Variants in WDR5B observed in about 807,000 individuals in gnomAD.
WDR5B encodes the protein WD repeat domain 5B, also known as WD repeat-containing protein 5B.
WDR5B carries 17 observed loss-of-function variants against 24.0 expected under a neutral mutation model. That is an observed-to-expected ratio of 0.71 (90% confidence interval 0.49 to 1.06). WDR5B has a LOEUF of 1.06. Ranked by LOEUF, WDR5B falls within the 50% of genes least tolerant of loss-of-function variation. WDR5B has a pLI of 0.00. For missense variants in WDR5B, 368 were observed against 384.1 expected (o/e 0.96, Z 0.35); for synonymous variants, 150 against 146.4 (o/e 1.02, Z -0.18).
chr3:122,415,764 G>C lies in WDR5B; in HGVS notation c.-236C>G, dbSNP rs2075732152. ...AGTACTTGAGAAATACTGTTAGAAGGATCCTGTGCGCTGTCAGCAAGTAGG... is the reference window on the plus strand; with the variant it reads ...AGTACTTGAGAAATACTGTTAGAAGCATCCTGTGCGCTGTCAGCAAGTAGG... On this transcript the variant is annotated 5_prime_UTR_variant, in exon 1 of 1. It adds an upstream start codon to the 5' untranslated region. Transcript: ENST00000330689. 3 of 476,240 alleles carry C rather than the reference G, an allele frequency of 6.3e-6. No homozygotes were observed. The highest frequency in any genetic ancestry group is 1.1e-5 in the Non-Finnish European group (3 of 265,622). 29.5% of individuals were successfully genotyped at this position (476,240 alleles called of 1,614,324 possible).
At position 122,415,857 on chromosome 3, in the gene WDR5B, C is replaced by G. The variant is rs2075732685; in HGVS notation, c.-329G>C. 1 of 245,754 alleles carries G rather than the reference C, an allele frequency of 4.1e-6. No individual in the cohort carries two copies. The highest frequency in any genetic ancestry group is 2.3e-5 in the African/African-American group (1 of 44,056). The allele number at this position is 245,754 out of a possible 1,614,324, so 15.2% of individuals were successfully genotyped here. A position where few individuals can be genotyped will look rare whatever the true frequency, so the allele number is the denominator to read the frequency against. Reference sequence around the variant, plus strand: ...GCAGGGGCGACGCGAGGGGCACTCTCTACAGAAAGTATTCTTTCACCGCCG... The same window carrying G: ...GCAGGGGCGACGCGAGGGGCACTCTGTACAGAAAGTATTCTTTCACCGCCG... On this transcript the variant is annotated 5_prime_UTR_variant, in exon 1 of 1. Transcript: ENST00000330689.
chr3:122,414,026 AT>A lies in WDR5B; in HGVS notation c.*509del, dbSNP rs774746067. 1.2e-5 allele frequency: 2 copies of A among 161,972 alleles called. No homozygotes were observed. Among genetic ancestry groups the A allele is most frequent in the South Asian group, 1.7e-4 (1 of 5,980 alleles). 10.0% of individuals were successfully genotyped at this position (161,972 alleles called of 1,614,324 possible). ...CAGAATACTACTCAGCCAAAAAAAA[AT>A]AATGAAATCTTATCTTTTGCAACAA... On this transcript the variant is annotated 3_prime_UTR_variant, in exon 1 of 1. Coordinates refer to ENST00000330689, the MANE Select transcript of WDR5B (RefSeq NM_019069.4).
chr3:122,415,507 C>T lies in WDR5B; in HGVS notation c.22G>A (p.Asp8Asn). The T allele has an allele frequency of 1.9e-6, 3 of 1,612,176 alleles. No individual in the cohort carries two copies. Among genetic ancestry groups the T allele is most frequent in the Non-Finnish European group, 2.5e-6 (3 of 1,178,840 alleles). Residue 8 changes from aspartate (D) to asparagine (N), a missense_variant, in exon 1 of 1, where the codon GAC becomes AAC. Asp to Asn is a conservative substitution (Grantham distance 23). Transcript: ENST00000330689. ...GAGAGGGCCAACTGTGCTTTGGCGT[C>T]TCTTGACTCCTTGGTTGCCATGGCT... MATKESR[D>N]AKAQLALSSS...
rs964862638 is a variant in WDR5B at position 122,413,990 on chromosome 3, CAT to C, written c.*544_*545del. The stretch of plus-strand genomic sequence containing the variant: ...ACACATATATGCATACACACACACA[CAT>C]ACACACCACAGAATACTACTCAGCC... On this transcript the variant is annotated 3_prime_UTR_variant, in exon 1 of 1. Transcript: ENST00000330689. 6.3e-6 allele frequency: 1 copy of C among 158,576 alleles called. No homozygotes were observed. The highest frequency in any genetic ancestry group is 2.4e-5 in the African/African-American group (1 of 41,358). 9.8% of individuals were successfully genotyped at this position (158,576 alleles called of 1,614,324 possible). A position where few individuals can be genotyped will look rare whatever the true frequency, so the allele number is the denominator to read the frequency against.
At position 122,415,466 on chromosome 3, in the gene WDR5B, CTGAT is replaced by C. The variant is rs747103936; in HGVS notation, c.59_62del (p.Asn20ArgfsTer36). On this transcript the variant is annotated frameshift_variant, in exon 1 of 1. Transcript: ENST00000330689. LOFTEE classifies it high-confidence loss of function. ...TTGGGTTTTCAGGCACTTCCTTGCT[CTGAT>C]TGGCCGATGAGGAGAGGGCCAACTG... The C allele has an allele frequency of 2.6e-5, 42 of 1,614,086 alleles. No individual in the cohort carries two copies. The highest frequency in any genetic ancestry group is 1.3e-4 in the East Asian group (6 of 44,900).
In WDR5B at chr3:122,414,741, G is replaced by A; in HGVS notation, c.788C>T (p.Ser263Leu). The stretch of plus-strand genomic sequence containing the variant: ...CACAATCCACTTTCCACCAGTAACT[G>A]AAAAATTGGCAAATATGCAATATTT... ...NEKYCIFANF[S>L]VTGGKWIVSG... Residue 263 changes from serine (S) to leucine (L), a missense_variant, in exon 1 of 1, where the codon TCA becomes TTA. By Grantham distance (145) the Ser-to-Leu change is moderately radical. Transcript: ENST00000330689. The A allele has an allele frequency of 1.2e-6, 2 of 1,614,132 alleles. No homozygotes were observed. Among genetic ancestry groups the A allele is most frequent in the Non-Finnish European group, 1.7e-6 (2 of 1,180,034 alleles).
Position 122,414,606 on chromosome 3 carries a change from G to A in WDR5B, c.923C>T (p.Thr308Ile), listed in dbSNP as rs2075722344. Residue 308 changes from threonine (T) to isoleucine (I), a missense_variant, in exon 1 of 1, where the codon ACA (threonine) becomes ATA (isoleucine). Physicochemically the swap from Thr to Ile is moderately conservative, Grantham distance 89 (BLOSUM62 -1). Coordinates refer to ENST00000330689, the MANE Select transcript of WDR5B (RefSeq NM_019069.4). ...DVVISAACHP[T>I]ENLIASAALE... ...TGCTGCTGATGCGATGAGGTTTTCT[G>A]TAGGATGACAAGCTGCTGAGATCAC... The A allele has an allele frequency of 5.0e-6, 8 of 1,614,176 alleles. No individual in the cohort carries two copies. The highest frequency in any genetic ancestry group is 6.8e-6 in the Non-Finnish European group (8 of 1,180,032).
chr3:122,415,342 T>C lies in WDR5B; in HGVS notation c.187A>G (p.Arg63Gly). The C allele has an allele frequency of 1.9e-6, 3 of 1,614,274 alleles. No homozygotes were observed. Among genetic ancestry groups the C allele is most frequent in the Non-Finnish European group, 2.5e-6 (3 of 1,180,046 alleles). Residue 63 changes from arginine (R) to glycine (G), a missense_variant, in exon 1 of 1, where the codon AGG (arginine) becomes GGG (glycine). By Grantham distance (125) the Arg-to-Gly change is moderately radical. Transcript: ENST00000330689. ...GEWLASSSAD[R>G]LIIIWGAYDG... is the part of the protein sequence containing the mutation. ...TATGCTCCCCAAATTATGATTAGCC[T>C]ATCAGCAGAAGAACTTGCTAGCCAT...
chr3:122,412,443 G>C lies in WDR5B; in HGVS notation c.*2093C>G, dbSNP rs2075710174. The C allele has an allele frequency of 6.6e-6, 1 of 152,160 alleles. No homozygotes were observed. The highest frequency in any genetic ancestry group is 6.5e-5 in the Admixed American group (1 of 15,282). 9.4% of individuals were successfully genotyped at this position (152,160 alleles called of 1,614,324 possible). ...TATCCTTCACTGTCAAACATTACTT[G>C]AGTCCCTTTACTACACAAAAAAGCC... On this transcript the variant is annotated 3_prime_UTR_variant, in exon 1 of 1. Transcript: ENST00000330689.
Position 122,413,957 on chromosome 3 carries a change from A to C in WDR5B, c.*579T>G, listed in dbSNP as rs1375741469. The C allele has an allele frequency of 6.5e-6, 1 of 153,860 alleles. No individual in the cohort carries two copies. The highest frequency in any genetic ancestry group is 6.5e-5 in the Admixed American group (1 of 15,492). The allele number at this position is 153,860 out of a possible 1,614,324, so 9.5% of individuals were successfully genotyped here. A position where few individuals can be genotyped will look rare whatever the true frequency, so the allele number is the denominator to read the frequency against. ...TAATGTGGTGTATATACTTATATAC[A>C]TACACATACACATATATGCATACAC... On this transcript the variant is annotated 3_prime_UTR_variant, in exon 1 of 1. Coordinates refer to ENST00000330689, the MANE Select transcript of WDR5B (RefSeq NM_019069.4).
In WDR5B at chr3:122,414,600, T is replaced by C; in HGVS notation, c.929A>G (p.Asn310Ser). The C allele has an allele frequency of 6.2e-7, 1 of 1,614,140 alleles. No homozygotes were observed. Among genetic ancestry groups the C allele is most frequent in the Non-Finnish European group, 8.5e-7 (1 of 1,180,030 alleles). The change falls in exon 1 of 1, where the codon AAC becomes AGC. Residue 310 changes from asparagine to serine, a missense_variant. Transcript: ENST00000330689. The stretch of plus-strand genomic sequence containing the variant: ...TTCTAATGCTGCTGATGCGATGAGG[T>C]TTTCTGTAGGATGACAAGCTGCTGA... ...VISAACHPTE[N>S]LIASAALEND...
rs2107703884 is a variant in WDR5B at position 122,413,797 on chromosome 3, T to C, written c.*739A>G. Reference sequence around the variant, plus strand: ...TCACCTGCACTGTTTATCGCAGCACTATTCATAATAGTGCTGTTTATCGCA... The same window carrying C: ...TCACCTGCACTGTTTATCGCAGCACCATTCATAATAGTGCTGTTTATCGCA... On this transcript the variant is annotated 3_prime_UTR_variant, in exon 1 of 1. Transcript: ENST00000330689. The C allele has an allele frequency of 6.6e-6, 1 of 152,290 alleles. No individual in the cohort carries two copies. Among genetic ancestry groups the C allele is most frequent in the South Asian group, 2.1e-4 (1 of 4,826 alleles). The allele number at this position is 152,290 out of a possible 1,614,324, so 9.4% of individuals were successfully genotyped here. A position where few individuals can be genotyped will look rare whatever the true frequency, so the allele number is the denominator to read the frequency against.
At position 122,414,729 on chromosome 3, in the gene WDR5B, C is replaced by A. The variant is rs2075723521; in HGVS notation, c.800G>T (p.Gly267Val). ...CIFANFSVTG[G>V]KWIVSGSEDN... ...CTCGGAACCAGACACAATCCACTTT[C>A]CACCAGTAACTGAAAAATTGGCAAA... The change falls in exon 1 of 1, where the codon GGA (glycine) becomes GTA (valine). Residue 267 changes from glycine to valine, a missense_variant. Coordinates refer to ENST00000330689, the MANE Select transcript of WDR5B (RefSeq NM_019069.4). 1.2e-6 allele frequency: 2 copies of A among 1,614,056 alleles called. No homozygotes were observed. Among genetic ancestry groups the A allele is most frequent in the Non-Finnish European group, 1.7e-6 (2 of 1,180,052 alleles).
In WDR5B at chr3:122,414,819, C is replaced by T; in HGVS notation, c.710G>A (p.Trp237Ter). Residue 237 changes from tryptophan (W) to a stop codon, truncating the protein, a stop_gained, in exon 1 of 1, where the codon TGG (tryptophan) becomes TAG (stop). Transcript: ENST00000330689. LOFTEE classifies it high-confidence loss of function. ...TATLDNTLKL[W>*]DYSRGRCLKT... The stretch of plus-strand genomic sequence containing the variant: ...CAGGCACCTGCCTCTGCTATAATCC[C>T]ATAGTTTAAGAGTGTTGTCCAAAGT... 6.2e-7 allele frequency: 1 copy of T among 1,614,128 alleles called. No homozygotes were observed. Among genetic ancestry groups the T allele is most frequent in the South Asian group, 1.1e-5 (1 of 91,084 alleles).
At position 122,415,684 on chromosome 3, in the gene WDR5B, CTG is replaced by C. The variant is rs1350853319; in HGVS notation, c.-158_-157del. 1 of 920,744 alleles carries C rather than the reference CTG, an allele frequency of 1.1e-6. No individual in the cohort carries two copies. The highest frequency in any genetic ancestry group is 2.0e-5 in the South Asian group (1 of 49,220). The allele number at this position is 920,744 out of a possible 1,614,324, so 57.0% of individuals were successfully genotyped here. A position where few individuals can be genotyped will look rare whatever the true frequency, so the allele number is the denominator to read the frequency against. On this transcript the variant is annotated 5_prime_UTR_variant, in exon 1 of 1. Transcript: ENST00000330689. Reference sequence around the variant, plus strand: ...TTAAAGTTTCTGGACAGTCTTTAAACTGTGAGACGGAATCAGCAGCACGGCTT... The same window carrying C: ...TTAAAGTTTCTGGACAGTCTTTAAACTGAGACGGAATCAGCAGCACGGCTT...
In WDR5B at chr3:122,414,405, A is replaced by T; in HGVS notation, c.*131T>A. On this transcript the variant is annotated 3_prime_UTR_variant, in exon 1 of 1. Transcript: ENST00000330689. ...TTCAACTATCTCATTTTGTAAATGT[A>T]GTGTATGAATCTCAAAATTTAACAA... 9.4e-7 allele frequency: 1 copy of T among 1,066,940 alleles called. No individual in the cohort carries two copies. Among genetic ancestry groups the T allele is most frequent in the Non-Finnish European group, 1.3e-6 (1 of 762,848 alleles). 66.1% of individuals were successfully genotyped at this position (1,066,940 alleles called of 1,614,324 possible).
rs1191883047 is a variant in WDR5B at position 122,411,945 on chromosome 3, T to C, written c.*2591A>G. On this transcript the variant is annotated 3_prime_UTR_variant, in exon 1 of 1. Transcript: ENST00000330689. ...AACAGTCATTTCTCATTTGTGTTAT[T>C]CTCCTATTTGATAACATATAGTGAC... 1 of 152,200 alleles carries C rather than the reference T, an allele frequency of 6.6e-6. No individual in the cohort carries two copies. Among genetic ancestry groups the C allele is most frequent in the Non-Finnish European group, 1.5e-5 (1 of 68,044 alleles). The allele number at this position is 152,200 out of a possible 1,614,324, so 9.4% of individuals were successfully genotyped here. A position where few individuals can be genotyped will look rare whatever the true frequency, so the allele number is the denominator to read the frequency against.
rs770897230 is a variant in WDR5B at position 122,414,851 on chromosome 3, G to A, written c.678C>T (p.Leu226=). Residue 226 remains leucine, a synonymous_variant, in exon 1 of 1, where the codon CTC becomes CTT. Coordinates refer to ENST00000330689, the MANE Select transcript of WDR5B (RefSeq NM_019069.4). ...VKFSPNGKYI[L]TATLDNTLKL... ...TAAGAGTGTTGTCCAAAGTTGCAGT[G>A]AGAATGTATTTACCATTTGGAGAAA... 1 of 1,614,132 alleles carries A rather than the reference G, an allele frequency of 6.2e-7. No homozygotes were observed. Among genetic ancestry groups the A allele is most frequent in the Admixed American group, 1.7e-5 (1 of 60,018 alleles).
Position 122,415,810 on chromosome 3 carries a change from G to A in WDR5B, c.-282C>T. On this transcript the variant is annotated 5_prime_UTR_variant, in exon 1 of 1. The change creates a new upstream start codon in the 5' untranslated region. Coordinates refer to ENST00000330689, the MANE Select transcript of WDR5B (RefSeq NM_019069.4). ...GTAGGACACAAATGTTCGGCATTCCGTTAATACATAAAGCCTTCAAAGCAG... is the reference window on the plus strand; with the variant it reads ...GTAGGACACAAATGTTCGGCATTCCATTAATACATAAAGCCTTCAAAGCAG... 5.3e-6 allele frequency: 2 copies of A among 380,100 alleles called. No homozygotes were observed. Among genetic ancestry groups the A allele is most frequent in the South Asian group, 5.7e-5 (1 of 17,508 alleles). The allele number at this position is 380,100 out of a possible 1,614,324, so 23.5% of individuals were successfully genotyped here. A position where few individuals can be genotyped will look rare whatever the true frequency, so the allele number is the denominator to read the frequency against.
Sources: gnomAD v4.1 joint callset for allele counts on GRCh38, gnomAD v4.1.1 for gene constraint, MANE v1.5 for transcripts, NCBI Gene and HGNC (gene_info 2026-07-23, HGNC 2026-07-21) for gene names.